The following PEX11A variants were observed in gnomAD, a reference collection of about 807,000 sequenced individuals.
PEX11A encodes peroxisomal biogenesis factor 11 alpha.
PEX11A carries 13 observed loss-of-function variants against 14.4 expected under a neutral mutation model. That is an observed-to-expected ratio of 0.90 (90% CI 0.59 to 1.43). The LOEUF (loss-of-function observed/expected upper bound fraction) is 1.43, where lower values mean the gene tolerates loss of function less well. PEX11A is among the 40% of genes most tolerant of loss of function. The pLI, the probability that PEX11A is intolerant of heterozygous loss-of-function variation, is 0.00. For synonymous variants in PEX11A, 101 were observed against 113.0 expected, an observed-to-expected ratio of 0.89 and a Z score of 0.67; for missense variants, 290 against 302.8, an observed-to-expected ratio of 0.96 and a Z score of 0.31.
At chr15:89,686,999 C>A (rs1441060062) in intron 1 of PEX11A, among the ~76,000 whole-genome samples, 1 of 152,042 alleles carries the variant, frequency 6.6e-6, no homozygotes, top group East Asian at 1.9e-4. Context: ...CTTGGCTCCA[C>A]TGCAACCTCT....
intron 2 of PEX11A, 36 bp from the exon 3 acceptor site, chr15:89,683,984 C>A (rs771689674): frequency 7.2e-7 from 1 of 1,389,914 alleles, no homozygotes; most frequent in Non-Finnish European, 1.0e-6. Flanking sequence ...ACAGTTATTT[C>A]ATTAGTACAC....
In PEX11A at chr15:89,686,566, ATTG is replaced by A; in HGVS notation, c.57-23_57-21del. On this transcript the variant is annotated intron_variant, in intron 1 of 2. Coordinates refer to ENST00000300056, the MANE Select transcript of PEX11A (RefSeq NM_003847.3). The stretch of plus-strand genomic sequence containing the variant: ...GTGGCTCTGAAATGGAAAAAAAAAA[ATTG>A]AGAAGAATGATTTACAAACCAAATA... 9.7e-7 allele frequency: 1 copy of A among 1,032,656 alleles called. No individual in the cohort carries two copies. Among genetic ancestry groups the A allele is most frequent in the Non-Finnish European group, 1.5e-6 (1 of 667,918 alleles). The allele number at this position is 1,032,656 out of a possible 1,614,324, so 64.0% of individuals were successfully genotyped here. A position where few individuals can be genotyped will look rare whatever the true frequency, so the allele number is the denominator to read the frequency against.
At chr15:89,686,327 T>C (rs1045571811) in intron 2 of PEX11A, 104 bp downstream of exon 2, 14 of 635,442 alleles carry the variant, frequency 2.2e-5, no homozygotes, top group Middle Eastern at 2.5e-4. Context: ...ATAAACTTGA[T>C]TGACTAGAAA....
Position 89,683,205 on chromosome 15 carries a change from G to A in PEX11A, c.*172C>T, listed in dbSNP as rs961375359. 6.4e-6 allele frequency: 4 copies of A among 623,126 alleles called. No homozygotes were observed. In the South Asian group the frequency reaches 8.6e-5, roughly 13 times the overall value. 38.6% of individuals were successfully genotyped at this position (623,126 alleles called of 1,614,324 possible). Reference sequence around the variant, plus strand: ...ACTCCAAAAACATACAACTCTTCATGCTCCTCCCTTCTCCGTTCTTGGCCT... The same window carrying A: ...ACTCCAAAAACATACAACTCTTCATACTCCTCCCTTCTCCGTTCTTGGCCT... On this transcript the variant is annotated 3_prime_UTR_variant, in exon 3 of 3. Coordinates refer to ENST00000300056, the MANE Select transcript of PEX11A (RefSeq NM_003847.3).
At chr15:89,687,332 A>AT (rs750028631) in intron 1 of PEX11A, among the ~76,000 whole-genome samples, 5 of 152,220 alleles carry the variant, frequency 3.3e-5, no homozygotes, top group Admixed American at 2.6e-4. Context: ...CAGTTTAAAG[A>AT]TTGTTTAATT....
chr15:89,687,409 T>C (rs943997950), intron 1 of PEX11A, among the ~76,000 whole-genome samples: 11 of 152,248 alleles, frequency 7.2e-5, no homozygotes, highest in Non-Finnish European at 1.3e-4. Flanking sequence ...TTCATAGTTG[T>C]CTTTCAAAAC....
rs78268288 is a variant in PEX11A at position 89,684,739 on chromosome 15, T to C, written c.173-791A>G. Among the ~76,000 whole-genome samples the C allele has an allele frequency of 5.5e-3, 833 of 152,322 alleles. 6 individuals are homozygous for C. The highest frequency in any genetic ancestry group is 0.019 in the African/African-American group (802 of 41,566). On this transcript the variant is annotated intron_variant, in intron 2 of 2. Transcript: ENST00000300056. ...TTATGTGAGCACGTAATTCAATTAA[T>C]CAGGGATGCATCAATCAATAGGTAC...
In PEX11A at chr15:89,683,620, G is replaced by A. The variant is rs2141547298; in HGVS notation, c.501C>T (p.Phe167=). ...EKSASQDPLW[F]SVAEEETEWL... is the part of the protein sequence containing the mutation. The stretch of plus-strand genomic sequence containing the variant: ...ATTCTGTTTCCTCCTCAGCCACGCT[G>A]AACCAAAGAGGATCCTGGGATGCTG... Residue 167 remains phenylalanine (F), a synonymous_variant, in exon 3 of 3, where the codon TTC becomes TTT. Transcript: ENST00000300056. 1 of 1,614,166 alleles carries A rather than the reference G, an allele frequency of 6.2e-7. No individual in the cohort carries two copies. The highest frequency in any genetic ancestry group is 2.2e-5 in the East Asian group (1 of 44,886).
intron 1 of PEX11A, among the ~76,000 whole-genome samples, chr15:89,688,435 C>A (rs1462876441): frequency 6.6e-6 from 1 of 152,176 alleles, no homozygotes; most frequent in Non-Finnish European, 1.5e-5. Flanking sequence ...CTCTGTTGCC[C>A]AGGCTGGAGG....
At chr15:89,688,625 T>A (rs1964718000) in intron 1 of PEX11A, among the ~76,000 whole-genome samples, 1 of 152,024 alleles carries the variant, frequency 6.6e-6, no homozygotes. Flanking sequence ...ACTCCTGACC[T>A]CATGATCTGC....
chr15:89,690,557 G>A lies in PEX11A; in HGVS notation c.56+20C>T. On this transcript the variant is annotated intron_variant, in intron 1 of 2. Coordinates refer to ENST00000300056, the MANE Select transcript of PEX11A (RefSeq NM_003847.3). ...GAGTTAGGGCGAGAAAGGGGCGGAGGCCGCTGGCACCTGACTCACCTGAAG... is the reference window on the plus strand; with the variant it reads ...GAGTTAGGGCGAGAAAGGGGCGGAGACCGCTGGCACCTGACTCACCTGAAG... 6.5e-7 allele frequency: 1 copy of A among 1,547,006 alleles called. No individual in the cohort carries two copies. The highest frequency in any genetic ancestry group is 8.7e-7 in the Non-Finnish European group (1 of 1,143,618).
At position 89,681,742 on chromosome 15, in the gene PEX11A, C is replaced by T. The variant is rs778007001; in HGVS notation, c.*1635G>A. 9.5e-5 allele frequency: 46 copies of T among 485,636 alleles called. No homozygotes were observed. Among genetic ancestry groups the T allele is most frequent in the Non-Finnish European group, 1.5e-4 (42 of 274,176 alleles). The allele number at this position is 485,636 out of a possible 1,614,324, so 30.1% of individuals were successfully genotyped here. A position where few individuals can be genotyped will look rare whatever the true frequency, so the allele number is the denominator to read the frequency against. On this transcript the variant is annotated 3_prime_UTR_variant, in exon 3 of 3. Coordinates refer to ENST00000300056, the MANE Select transcript of PEX11A (RefSeq NM_003847.3). ...GTCTATTTTTTGAGAATCTCAATCA[C>T]ATTTCTGGGAAATGTGACTTATTGA...
chr15:89,685,236 T>C (rs1964660732), intron 2 of PEX11A, among the ~76,000 whole-genome samples: 1 of 151,082 alleles, frequency 6.6e-6, no homozygotes, highest in Non-Finnish European at 1.5e-5. Flanking sequence ...AAGAATGTTT[T>C]GTATTATGTT....
chr15:89,688,309 A>C (rs1192139955), intron 1 of PEX11A: 2 of 443,234 alleles, frequency 4.5e-6, no homozygotes, highest in Non-Finnish European at 8.9e-6. Flanking sequence ...CAGTGTGGTC[A>C]TAAAGGTTAT....
chr15:89,690,204 T>C (rs1404640625), intron 1 of PEX11A, among the ~76,000 whole-genome samples: 2 of 152,216 alleles, frequency 1.3e-5, no homozygotes, highest in Middle Eastern at 3.2e-3. Context: ...CCAAAGTTTC[T>C]CTTTAAAGGA....
At chr15:89,686,657 A>C in intron 1 of PEX11A, 111 bp from the exon 2 acceptor site, 1 of 609,394 alleles carries the variant, frequency 1.6e-6, no homozygotes, top group Non-Finnish European at 2.9e-6. Flanking sequence ...TTCCAAGACC[A>C]TTTCTCATGT....
Position 89,690,704 on chromosome 15 carries a change from GGGA to G in PEX11A, c.-75_-73del. On this transcript the variant is annotated 5_prime_UTR_variant, in exon 1 of 3. Transcript: ENST00000300056. ...TCCTCTGGGGCCCGTCGGATCCCCA[GGGA>G]ACGGTCAGTCCCAGGTTATCCGCTG... The G allele has an allele frequency of 8.8e-7, 1 of 1,141,506 alleles. No individual in the cohort carries two copies. Among genetic ancestry groups the G allele is most frequent in the Non-Finnish European group, 1.3e-6 (1 of 780,006 alleles). 70.7% of individuals were successfully genotyped at this position (1,141,506 alleles called of 1,614,324 possible). A position where few individuals can be genotyped will look rare whatever the true frequency, so the allele number is the denominator to read the frequency against.
Position 89,683,912 on chromosome 15 carries a change from G to A in PEX11A, c.209C>T (p.Ala70Val). 6.2e-7 allele frequency: 1 copy of A among 1,613,830 alleles called. No individual in the cohort carries two copies. Among genetic ancestry groups the A allele is most frequent in the Non-Finnish European group, 8.5e-7 (1 of 1,179,770 alleles). Residue 70 changes from alanine to valine, a missense_variant, in exon 3 of 3, where the codon GCA (alanine) becomes GTA (valine). By Grantham distance (64) the Ala-to-Val change is moderately conservative. Coordinates refer to ENST00000300056, the MANE Select transcript of PEX11A (RefSeq NM_003847.3). Reference sequence around the variant, plus strand: ...AGTGGCATGAATGCTCTGCTCAGTTGCCTGTATAGCATGTACCACATTGCC... The same window carrying A: ...AGTGGCATGAATGCTCTGCTCAGTTACCTGTATAGCATGTACCACATTGCC... Reference protein sequence around the residue: ...RLGNVVHAIQATEQSIHATDL... With the variant: ...RLGNVVHAIQVTEQSIHATDL...
chr15:89,687,897 T>C, intron 1 of PEX11A: 1 of 467,558 alleles, frequency 2.1e-6, no homozygotes, highest in South Asian at 1.7e-5. Flanking sequence ...ATAAACTCGA[T>C]TTTATTGTCT....
Sources: gnomAD v4.1 joint callset for allele counts (sites outside exome capture counted in the v4.1 genomes callset) on GRCh38, gnomAD v4.1.1 for gene constraint, MANE v1.5 for transcripts, NCBI Gene and HGNC (gene_info 2026-07-23, HGNC 2026-07-21) for gene names.